The following ZBTB1 variants were observed in gnomAD, a reference collection of about 807,000 sequenced individuals.
ZBTB1 encodes the protein zinc finger and BTB domain containing 1.
ZBTB1 carries 13 observed loss-of-function variants against 51.6 expected under a neutral mutation model. The ratio of observed to expected loss-of-function variants is 0.25; its 90% confidence interval spans 0.16 to 0.40. The LOEUF (loss-of-function observed/expected upper bound fraction) is 0.40, where lower values mean the gene tolerates loss of function less well. Among genes scored for constraint, ZBTB1 ranks in the 10% least tolerant of loss-of-function variants. The pLI is 1.00. For missense variants in ZBTB1, 567 were observed against 856.5 expected (o/e 0.66, Z 4.22); for synonymous variants, 240 against 282.2 (o/e 0.85, Z 1.50).
At chr14:64,510,855 A>G (rs2079717633) in intron 1 of ZBTB1, among the ~76,000 whole-genome samples, 1 of 152,222 alleles carries the variant, frequency 6.6e-6, no homozygotes, top group African/African-American at 2.4e-5. Flanking sequence ...AGATTACCTG[A>G]GAGTGAAGGA....
At chr14:64,516,204 T>C (rs1329882890) in intron 1 of ZBTB1, among the ~76,000 whole-genome samples, 1 of 152,160 alleles carries the variant, frequency 6.6e-6, no homozygotes, top group Non-Finnish European at 1.5e-5. Context: ...ATTGAGGACA[T>C]TCTGAGCTAT....
chr14:64,516,710 T>C (rs2079790198), intron 1 of ZBTB1: 1 of 152,272 alleles, frequency 6.6e-6, no homozygotes, highest in Non-Finnish European at 1.5e-5. Context: ...CTTGTGCTAC[T>C]GCTGATGATC....
At chr14:64,509,963 C>G (rs758595154) in intron 1 of ZBTB1, among the ~76,000 whole-genome samples, 3 of 145,636 alleles carry the variant, frequency 2.1e-5, no homozygotes, top group African/African-American at 7.6e-5. Flanking sequence ...GGTGACAGAG[C>G]GAGACTCCGT....
rs368951902 is a variant in ZBTB1 at position 64,521,349 on chromosome 14, T to C, written c.-18-138T>C. ...TAAAAAATGATTCAAGTATATATTATTGAGTTTTATTAGAATGGAAAGCTC... is the reference window on the plus strand; with the variant it reads ...TAAAAAATGATTCAAGTATATATTACTGAGTTTTATTAGAATGGAAAGCTC... On this transcript the variant is annotated intron_variant, in intron 1 of 1. Transcript: ENST00000683701. The C allele has an allele frequency of 5.1e-5, 32 of 632,704 alleles. 1 individual carries two copies. In the East Asian group the frequency reaches 7.7e-4, roughly 15 times the overall value. 39.2% of individuals were successfully genotyped at this position (632,704 alleles called of 1,614,324 possible). A position where few individuals can be genotyped will look rare whatever the true frequency, so the allele number is the denominator to read the frequency against.
Position 64,523,089 on chromosome 14 carries a change from C to T in ZBTB1, c.1585C>T (p.His529Tyr). 1 of 1,614,150 alleles carries T rather than the reference C, an allele frequency of 6.2e-7. No homozygotes were observed. The highest frequency in any genetic ancestry group is 1.1e-5 in the South Asian group (1 of 91,090). Reference protein sequence around the residue: ...NSIQKKQLFKHSACPFRCPNC... With the variant: ...NSIQKKQLFKYSACPFRCPNC... ...TATCCAAAAAAAGCAGTTATTTAAA[C>T]ATTCTGCCTGCCCTTTTCGATGTCC... The change falls in exon 2 of 2, where the codon CAT becomes TAT. Residue 529 changes from histidine to tyrosine, a missense_variant. His to Tyr is a moderately conservative substitution (Grantham distance 83). Around this residue, in one of 5 missense-constraint regions of ZBTB1, gnomAD observed 329 missense variants for 406.3 expected, o/e 0.81. Transcript: ENST00000683701. The surrounding 1 kb of genome is among the most constrained non-coding windows in gnomAD (Gnocchi z 4.5).
chr14:64,505,648 C>G (rs1231936978), intron 1 of ZBTB1, among the ~76,000 whole-genome samples: 1 of 152,120 alleles, frequency 6.6e-6, no homozygotes, highest in Non-Finnish European at 1.5e-5. Flanking sequence ...GCTCAGCCAC[C>G]CCACCCAGTC....
chr14:64,511,083 A>G (rs1366319806), intron 1 of ZBTB1, among the ~76,000 whole-genome samples: 1 of 152,230 alleles, frequency 6.6e-6, no homozygotes, highest in Non-Finnish European at 1.5e-5. Flanking sequence ...GACAAAATAC[A>G]GGGAGGGGCA....
chr14:64,523,778 A>G lies in ZBTB1; in HGVS notation c.*132A>G. 2 of 1,363,048 alleles carry G rather than the reference A, an allele frequency of 1.5e-6. No homozygotes were observed. The highest frequency in any genetic ancestry group is 1.9e-6 in the Non-Finnish European group (2 of 1,053,660). The allele number at this position is 1,363,048 out of a possible 1,614,324, so 84.4% of individuals were successfully genotyped here. On this transcript the variant is annotated 3_prime_UTR_variant, in exon 2 of 2. Transcript: ENST00000683701. The surrounding 1 kb of genome is among the most constrained non-coding windows in gnomAD (Gnocchi z 4.5). ...ATTTCAAGGCCCTTTTAACTTTAAT[A>G]TTTTTGTTTAGGATTTTAAGTATCT...
intron 1 of ZBTB1, among the ~76,000 whole-genome samples, 197 bp from the exon 2 acceptor site, chr14:64,521,290 T>G (rs1363150655): frequency 6.6e-6 from 1 of 152,228 alleles, no homozygotes; most frequent in African/African-American, 2.4e-5. Context: ...ATGAAAAGCC[T>G]GAATAAATGG....
At chr14:64,514,071 A>T (rs149110715) in intron 1 of ZBTB1, 1 of 152,178 alleles carries the variant, frequency 6.6e-6, no homozygotes, top group Non-Finnish European at 1.5e-5. Context: ...TCAATGCTCT[A>T]TCCAGTGTTA....
rs944719487 is a variant in ZBTB1, at chr14:64,524,397, A to T, written c.*751A>T. On this transcript the variant is annotated 3_prime_UTR_variant, in exon 2 of 2. Coordinates refer to ENST00000683701, the MANE Select transcript of ZBTB1 (RefSeq NM_001123329.2). Reference sequence around the variant, plus strand: ...ATTTTGTTTTGTGATATTAAATTTAACTATGATAGTTAATTAAAAAGACAT... The same window carrying T: ...ATTTTGTTTTGTGATATTAAATTTATCTATGATAGTTAATTAAAAAGACAT... 3 of 817,596 alleles carry T rather than the reference A, an allele frequency of 3.7e-6. No homozygotes were observed. The South Asian group carries it at 1.7e-4, about 46-fold the overall frequency. 50.6% of individuals were successfully genotyped at this position (817,596 alleles called of 1,614,324 possible).
intron 1 of ZBTB1, among the ~76,000 whole-genome samples, chr14:64,513,307 G>A (rs2079745933): frequency 6.6e-6 from 1 of 151,922 alleles, no homozygotes; most frequent in African/African-American, 2.4e-5. Context: ...CTATACATCT[G>A]CCTGGAATAG....
intron 1 of ZBTB1, among the ~76,000 whole-genome samples, chr14:64,517,012 C>A (rs2079793850): frequency 6.6e-6 from 1 of 152,150 alleles, no homozygotes; most frequent in Non-Finnish European, 1.5e-5. Flanking sequence ...TTATTTCAAG[C>A]CTGGACTATT....
intron 1 of ZBTB1, among the ~76,000 whole-genome samples, chr14:64,518,966 A>G (rs1428345725): frequency 1.4e-5 from 2 of 142,096 alleles, no homozygotes; most frequent in Non-Finnish European, 3.0e-5. Context: ...AAAAAACACA[A>G]CAAAAGCAAA....
At chr14:64,508,802 A>G (rs551651003) in intron 1 of ZBTB1, among the ~76,000 whole-genome samples, 3 of 152,226 alleles carry the variant, frequency 2.0e-5, no homozygotes, top group Non-Finnish European at 4.4e-5. Flanking sequence ...AAAAATTGAT[A>G]AGCAAAATAA....
chr14:64,514,607 C>A (rs1348744444), intron 1 of ZBTB1, among the ~76,000 whole-genome samples: 1 of 152,180 alleles, frequency 6.6e-6, no homozygotes, highest in Non-Finnish European at 1.5e-5. Flanking sequence ...GAGAAATTTA[C>A]TGAAATAGCT....
rs1044452980 is a variant in ZBTB1, at chr14:64,504,804, T to C, written c.-161T>C. 2.6e-6 allele frequency: 1 copy of C among 386,010 alleles called. No homozygotes were observed. Among genetic ancestry groups the C allele is most frequent in the Non-Finnish European group, 4.6e-6 (1 of 217,974 alleles). The allele number at this position is 386,010 out of a possible 1,614,324, so 23.9% of individuals were successfully genotyped here. The stretch of plus-strand genomic sequence containing the variant: ...CAGTCCCTGGCAGAGCCAGAGCCTC[T>C]CCGCGCAGCCCAGCCCGAGCGCCGA... On this transcript the variant is annotated 5_prime_UTR_variant, in exon 1 of 2. Coordinates refer to ENST00000683701, the MANE Select transcript of ZBTB1 (RefSeq NM_001123329.2).
In ZBTB1 at chr14:64,522,690, G is replaced by A; in HGVS notation, c.1186G>A (p.Ala396Thr). ...KTLKPRMSVS[A>T]DERGGLENMR... ...TCTAAAACCTCGAATGTCAGTAAGT[G>A]CTGATGAAAGAGGTGGTTTAGAGAA... The change falls in exon 2 of 2, where the codon GCT becomes ACT. Residue 396 changes from alanine (A) to threonine (T), a missense_variant. Ala to Thr is a moderately conservative substitution (Grantham distance 58). Transcript: ENST00000683701. 2 of 1,614,174 alleles carry A rather than the reference G, an allele frequency of 1.2e-6. No homozygotes were observed. The highest frequency in any genetic ancestry group is 8.5e-7 in the Non-Finnish European group (1 of 1,180,016).
In ZBTB1 at chr14:64,523,111, G is replaced by A; in HGVS notation, c.1607G>A (p.Cys536Tyr). Residue 536 changes from cysteine to tyrosine, a missense_variant, in exon 2 of 2, where the codon TGT becomes TAT. Coordinates refer to ENST00000683701, the MANE Select transcript of ZBTB1 (RefSeq NM_001123329.2). The surrounding 1 kb of genome is among the most constrained non-coding windows in gnomAD (Gnocchi z 4.5). ...AAACATTCTGCCTGCCCTTTTCGAT[G>A]TCCTAATTGTGGCCAGCGTTTTGAA... ...LFKHSACPFR[C>Y]PNCGQRFETE... The A allele has an allele frequency of 6.2e-7, 1 of 1,614,152 alleles. No individual in the cohort carries two copies. The highest frequency in any genetic ancestry group is 8.5e-7 in the Non-Finnish European group (1 of 1,180,012).
Sources: allele counts gnomAD v4.1 joint callset (sites outside exome capture counted in the v4.1 genomes callset), GRCh38; gene constraint gnomAD v4.1.1; regional missense constraint gnomAD v4.1.1; non-coding constraint Gnocchi (gnomAD v3.1); transcripts MANE v1.5; gene names NCBI Gene and HGNC (gene_info 2026-07-23, HGNC 2026-07-21).